CFAP95: variants seen among roughly 807,000 people sequenced by gnomAD.
CFAP95 encodes the protein cilia and flagella associated protein 95, also known as cilia- and flagella-associated protein 95.
chr9:69,847,793 C>T, the CFAP95 span, among the ~76,000 whole-genome samples: 34 of 152,124 alleles, frequency 2.2e-4, no homozygotes, highest in Non-Finnish European at 8.8e-5. Context: ...TTTCATTTAG[C>T]TGATTGAGGG....
the CFAP95 span, chr9:69,857,773 C>A: frequency 1.5e-6 from 1 of 655,406 alleles, no homozygotes; most frequent in South Asian, 2.1e-5. Flanking sequence ...GGCAATCCTC[C>A]CGTCTCGGCC....
the CFAP95 span, among the ~76,000 whole-genome samples, chr9:69,897,735 G>A: frequency 3.0e-3 from 464 of 152,256 alleles, 3 homozygotes; most frequent in Non-Finnish European, 4.5e-3. Context: ...AAGGGGCAAT[G>A]GGGGTGGAGG....
the CFAP95 span, among the ~76,000 whole-genome samples, chr9:69,836,883 C>T: frequency 6.8e-6 from 1 of 146,596 alleles, no homozygotes; most frequent in Admixed American, 6.8e-5. Context: ...CTCCCGCCTC[C>T]CCCCACCCCA....
chr9:69,887,640 G>T, the CFAP95 span, among the ~76,000 whole-genome samples: 1 of 152,182 alleles, frequency 6.6e-6, no homozygotes, highest in Non-Finnish European at 1.5e-5. Flanking sequence ...ATCAATAAAA[G>T]ATAATGTGGC....
chr9:69,844,775 A>G, the CFAP95 span: 1 of 552,796 alleles, frequency 1.8e-6, no homozygotes, highest in South Asian at 2.9e-5. Flanking sequence ...CTGAAGCAAC[A>G]TTACCTGTAA....
the CFAP95 span, among the ~76,000 whole-genome samples, chr9:69,887,144 CTTGT>C: frequency 6.6e-6 from 1 of 152,192 alleles, no homozygotes; most frequent in South Asian, 2.1e-4. Context: ...TCTTCCTCAT[CTTGT>C]TTACTTGTCC....
chr9:69,890,420 G>T, the CFAP95 span, among the ~76,000 whole-genome samples: 1 of 152,242 alleles, frequency 6.6e-6, no homozygotes, highest in African/African-American at 2.4e-5. Context: ...TTTGAGGCAC[G>T]TTTTTAGCGC....
the CFAP95 span, among the ~76,000 whole-genome samples, chr9:69,825,730 A>T: frequency 1.3e-5 from 2 of 152,176 alleles, no homozygotes; most frequent in Non-Finnish European, 2.9e-5. Context: ...AGCAATTTAG[A>T]CTTACCCTTA....
the CFAP95 span, among the ~76,000 whole-genome samples, chr9:69,880,228 G>T: frequency 3.2e-3 from 491 of 152,072 alleles, 5 homozygotes; most frequent in African/African-American, 0.011. Context: ...TAAATACTAG[G>T]TCTTACTCAT....
the CFAP95 span, among the ~76,000 whole-genome samples, chr9:69,837,116 A>C: frequency 6.6e-6 from 1 of 151,692 alleles, no homozygotes; most frequent in African/African-American, 2.4e-5. Flanking sequence ...ACATTTTCTT[A>C]ATCCAGTCTA....
the CFAP95 span, among the ~76,000 whole-genome samples, chr9:69,892,200 T>C: frequency 6.6e-6 from 1 of 152,200 alleles, no homozygotes; most frequent in Non-Finnish European, 1.5e-5. Flanking sequence ...AAGATTCTGA[T>C]TTTAAAAGAA....
the CFAP95 span, chr9:69,902,194 G>T: frequency 2.6e-6 from 1 of 380,392 alleles, no homozygotes; most frequent in African/African-American, 2.1e-5. Context: ...GGCACATAAT[G>T]TTGGCCCTTT....
the CFAP95 span, chr9:69,820,869 C>T: frequency 1.2e-6 from 2 of 1,613,506 alleles, no homozygotes; most frequent in Non-Finnish European, 1.7e-6. Flanking sequence ...GTCTGTACCT[C>T]GAGGGCTCCC....
chr9:69,902,238 C>T, the CFAP95 span: 1 of 422,276 alleles, frequency 2.4e-6, no homozygotes. Flanking sequence ...TTTTAATTCT[C>T]ACAATTCTCT....
chr9:69,845,668 A>G, the CFAP95 span, among the ~76,000 whole-genome samples: 1 of 152,160 alleles, frequency 6.6e-6, no homozygotes, highest in Non-Finnish European at 1.5e-5. Context: ...GGGATTTATC[A>G]TAAAGTGACA....
the CFAP95 span, among the ~76,000 whole-genome samples, chr9:69,878,161 G>C: frequency 1.3e-5 from 2 of 152,092 alleles, no homozygotes; most frequent in African/African-American, 2.4e-5. Flanking sequence ...TGATAATCGT[G>C]ATACTACCTT....
At chr9:69,852,814 C>T in the CFAP95 span, among the ~76,000 whole-genome samples, 1 of 152,150 alleles carries the variant, frequency 6.6e-6, no homozygotes, top group Admixed American at 6.5e-5. Context: ...CCATGCTGTT[C>T]TTGTAATAGT....
At chr9:69,847,584 T>C in the CFAP95 span, among the ~76,000 whole-genome samples, 1 of 152,194 alleles carries the variant, frequency 6.6e-6, no homozygotes, top group African/African-American at 2.4e-5. Context: ...GGCTTGGATA[T>C]TGTATATCTC....
the CFAP95 span, among the ~76,000 whole-genome samples, chr9:69,849,732 G>A: frequency 6.6e-6 from 1 of 152,248 alleles, no homozygotes; most frequent in Non-Finnish European, 1.5e-5. Flanking sequence ...GGTTTCAATG[G>A]TGGGATAATT....
Sources: allele counts gnomAD v4.1 joint callset (sites outside exome capture counted in the v4.1 genomes callset), GRCh38; gene constraint gnomAD v4.1.1; transcripts MANE v1.5; gene names NCBI Gene and HGNC (gene_info 2026-07-23, HGNC 2026-07-21).